The following IHO1 variants were observed in gnomAD, a reference collection of about 807,000 sequenced individuals.
The protein encoded by IHO1 is interactor of HORMAD1 1.
A neutral mutation model predicts 31.0 loss-of-function variants in IHO1; 13 were observed. That is an observed-to-expected ratio of 0.42 (90% confidence interval 0.27 to 0.67). The LOEUF is 0.67. Ranked by LOEUF, IHO1 falls within the 30% of genes least tolerant of loss-of-function variation. The pLI, the probability that IHO1 is intolerant of heterozygous loss-of-function variation, is 0.24. For synonymous variants in IHO1, 221 were observed against 248.4 expected, an observed-to-expected ratio of 0.89 and a Z score of 1.04; for missense variants, 599 against 687.5, an observed-to-expected ratio of 0.87 and a Z score of 1.44.
intron 2 of IHO1, among the ~76,000 whole-genome samples, chr3:49,217,780 C>T (rs1044287406): frequency 6.6e-6 from 1 of 152,232 alleles, no homozygotes. Context: ...GCATCAGATT[C>T]TCATAAGGAG....
intron 3 of IHO1, among the ~76,000 whole-genome samples, chr3:49,238,268 A>C (rs910662113): frequency 4.5e-4 from 68 of 152,070 alleles, no homozygotes; most frequent in African/African-American, 1.4e-3. Context: ...GGAGGCACCT[A>C]TAACTAAATG....
the IHO1 span, chr3:49,191,900 C>A: frequency 5.9e-6 from 5 of 842,616 alleles, no homozygotes; most frequent in Admixed American, 8.1e-5. Context: ...CTGCACAATG[C>A]TGCTGCTGTT....
chr3:49,239,461 T>C (rs1284961695), intron 3 of IHO1, among the ~76,000 whole-genome samples: 1 of 151,084 alleles, frequency 6.6e-6, no homozygotes, highest in African/African-American at 2.4e-5. Flanking sequence ...TTTGTATTTT[T>C]AGTAGAGACA....
At chr3:49,247,900 GA>G in intron 6 of IHO1, among the ~76,000 whole-genome samples, 1 of 147,820 alleles carries the variant, frequency 6.8e-6, no homozygotes, top group South Asian at 2.2e-4. Context: ...CAAGGCAGGT[GA>G]ATCACTTGAG....
At chr3:49,230,539 A>C (rs2046468473) in intron 2 of IHO1, among the ~76,000 whole-genome samples, 2 of 152,216 alleles carry the variant, frequency 1.3e-5, no homozygotes, top group African/African-American at 4.8e-5. Context: ...TAGGGCAAGC[A>C]ATTGAACCTA....
chr3:49,241,644 C>A (rs569950910), intron 4 of IHO1, among the ~76,000 whole-genome samples: 1 of 150,160 alleles, frequency 6.7e-6, no homozygotes, highest in Admixed American at 6.6e-5. Context: ...TTTTTTTTGA[C>A]GGAGTCTTGC....
chr3:49,191,648 C>T, the IHO1 span: 1 of 1,398,284 alleles, frequency 7.2e-7, no homozygotes, highest in Non-Finnish European at 1.0e-6. Flanking sequence ...GGTTGGATGC[C>T]AAATGAAAAC....
At chr3:49,208,993 T>C (rs1382019700) in intron 1 of IHO1, among the ~76,000 whole-genome samples, 1 of 152,218 alleles carries the variant, frequency 6.6e-6, no homozygotes, top group African/African-American at 2.4e-5. Flanking sequence ...GACAGCTTCC[T>C]GACCTTTGTA....
chr3:49,242,526 T>C (rs1340514733), intron 4 of IHO1, among the ~76,000 whole-genome samples: 1 of 152,226 alleles, frequency 6.6e-6, no homozygotes, highest in Admixed American at 6.5e-5. Context: ...AGAGGATTTC[T>C]AAGAGAAATG....
At chr3:49,196,605 C>A, upstream of IHO1, among the ~76,000 whole-genome samples, 1 of 152,002 alleles carries the variant, frequency 6.6e-6, no homozygotes, top group East Asian at 1.9e-4. Context: ...GGCTTAGCCT[C>A]CCCAGTAGCT....
At chr3:49,217,331 C>T (rs1007681995) in intron 2 of IHO1, among the ~76,000 whole-genome samples, 1 of 152,008 alleles carries the variant, frequency 6.6e-6, no homozygotes, top group Non-Finnish European at 1.5e-5. Context: ...AGTTCATGTC[C>T]TTTTCAGGGA....
chr3:49,230,095 A>G (rs2046463879), intron 2 of IHO1, among the ~76,000 whole-genome samples: 1 of 152,246 alleles, frequency 6.6e-6, no homozygotes, highest in South Asian at 2.1e-4. Context: ...TACCTTTAAA[A>G]TGGTTAACAG....
upstream of IHO1, among the ~76,000 whole-genome samples, chr3:49,195,936 TA>T (rs535294316): frequency 4.5e-3 from 600 of 134,334 alleles, 7 homozygotes; most frequent in South Asian, 0.059. Context: ...CCATCTCTAC[TA>T]AAAAAAAAAA....
intron 2 of IHO1, among the ~76,000 whole-genome samples, chr3:49,214,791 C>T (rs1353836681): frequency 6.7e-6 from 1 of 149,824 alleles, no homozygotes; most frequent in Non-Finnish European, 1.5e-5. Context: ...AGGTGCCTGC[C>T]ACCACACCCA....
intron 6 of IHO1, among the ~76,000 whole-genome samples, chr3:49,251,671 G>A (rs9828212): frequency 0.02 from 2,744 of 136,106 alleles, 95 homozygotes; most frequent in African/African-American, 0.069. Flanking sequence ...GCGCGATCTC[G>A]GCTCACCGCA....
chr3:49,217,065 G>T (rs1431372346), intron 2 of IHO1, among the ~76,000 whole-genome samples: 1 of 152,210 alleles, frequency 6.6e-6, no homozygotes, highest in African/African-American at 2.4e-5. Context: ...TTCAACCATT[G>T]TGGAAGACAG....
chr3:49,215,752 A>G (rs1468818205), intron 2 of IHO1, among the ~76,000 whole-genome samples: 1 of 152,208 alleles, frequency 6.6e-6, no homozygotes, highest in Non-Finnish European at 1.5e-5. Context: ...AACAAGAACT[A>G]GGGAGGGGCA....
the IHO1 span, chr3:49,191,936 C>T: frequency 1.6e-5 from 11 of 686,546 alleles, no homozygotes; most frequent in East Asian, 2.7e-5. Context: ...TGACCTGTTG[C>T]CCCTTTGTCC....
intron 2 of IHO1, among the ~76,000 whole-genome samples, chr3:49,212,412 AG>A (rs370526292): frequency 5.5e-4 from 82 of 149,456 alleles, no homozygotes; most frequent in Admixed American, 2.0e-3. Flanking sequence ...GCTACTGGGG[AG>A]GCTGAGGCAG....
Sources: allele counts gnomAD v4.1 joint callset (sites outside exome capture counted in the v4.1 genomes callset), GRCh38; gene constraint gnomAD v4.1.1; transcripts MANE v1.5; gene names NCBI Gene and HGNC (gene_info 2026-07-23, HGNC 2026-07-21).